The following CD58 variants were observed in gnomAD, a reference collection of about 807,000 sequenced individuals.
The protein encoded by CD58 is lymphocyte function-associated antigen 3.
A neutral mutation model predicts 27.6 loss-of-function variants in CD58; 14 were observed. That is an observed-to-expected ratio of 0.51 (90% CI 0.34 to 0.79). The LOEUF (loss-of-function observed/expected upper bound fraction) is 0.79, where lower values mean the gene tolerates loss of function less well. CD58 is among the 30% of genes least tolerant of loss of function. CD58 has a pLI of 0.02. For missense variants in CD58, 268 were observed against 301.7 expected (o/e 0.89, Z 0.83); for synonymous variants, 117 against 103.8 (o/e 1.13, Z -0.77).
chr1:116,534,182 G>A lies in CD58; in HGVS notation c.628+1783C>T, dbSNP rs866756482. On this transcript the variant is annotated intron_variant, in intron 3 of 5. Coordinates refer to ENST00000369489, the MANE Select transcript of CD58 (RefSeq NM_001779.3). The surrounding 1 kb of genome is among the most constrained non-coding windows in gnomAD (Gnocchi z 5.3). The stretch of plus-strand genomic sequence containing the variant: ...GGCCAGTCCTCGGGGAGCACACGCC[G>A]CCCATCTGGCTCGCACCGCACAGCT... 6.6e-5 allele frequency: 40 copies of A among 608,452 alleles called. No homozygotes were observed. Among genetic ancestry groups the A allele is most frequent in the African/African-American group, 6.0e-4 (33 of 54,736 alleles). The allele number at this position is 608,452 out of a possible 1,614,324, so 37.7% of individuals were successfully genotyped here. A position where few individuals can be genotyped will look rare whatever the true frequency, so the allele number is the denominator to read the frequency against.
chr1:116,550,040 C>A lies in CD58; in HGVS notation c.71-5436G>T, dbSNP rs77537964. Among the ~76,000 whole-genome samples the A allele has an allele frequency of 4.0e-5, 6 of 151,492 alleles. No individual in the cohort carries two copies. The highest frequency in any genetic ancestry group is 3.9e-4 in the Admixed American group (6 of 15,222). ...AATACTTTATTGCTGAAAAAAAAAACATGCTAACAATCATTTGAGCCTTCA... is the reference window on the plus strand; with the variant it reads ...AATACTTTATTGCTGAAAAAAAAAAAATGCTAACAATCATTTGAGCCTTCA... On this transcript the variant is annotated intron_variant, in intron 1 of 5. Transcript: ENST00000369489. This position sits in a 1 kb window ranked among gnomAD's most constrained non-coding sequence, Gnocchi z 4.2.
At chr1:116,558,887 A>T (rs752237709) in intron 1 of CD58, among the ~76,000 whole-genome samples, 1 of 152,206 alleles carries the variant, frequency 6.6e-6, no homozygotes, top group Non-Finnish European at 1.5e-5. Context: ...AGTTCTTATT[A>T]TTCATTTATT....
In CD58 at chr1:116,532,197, A is replaced by T. The variant is rs1657635783; in HGVS notation, c.628+3768T>A. ...CTTCCGCACAGCCCTTGCTCCTGCT[A>T]GGAAGTGGCACATCTTCCTGCTCAG... is the stretch of plus-strand genomic sequence containing the variant. On this transcript the variant is annotated intron_variant, in intron 3 of 5. Coordinates refer to ENST00000369489, the MANE Select transcript of CD58 (RefSeq NM_001779.3). The surrounding 1 kb of genome is among the most constrained non-coding windows in gnomAD (Gnocchi z 5.1). 6.6e-6 allele frequency among the ~76,000 whole-genome samples: 1 copy of T among 152,188 alleles called. No homozygotes were observed. The highest frequency in any genetic ancestry group is 2.4e-5 in the African/African-American group (1 of 41,456).
intron 1 of CD58, among the ~76,000 whole-genome samples, chr1:116,549,996 T>A (rs529141193): frequency 6.6e-6 from 1 of 152,188 alleles, no homozygotes; most frequent in East Asian, 1.9e-4. Flanking sequence ...AAAAACACAA[T>A]GTACATATTT....
At position 116,552,707 on chromosome 1, in the gene CD58, A is replaced by G. The variant is rs7546463; in HGVS notation, c.71-8103T>C. Among the ~76,000 whole-genome samples the G allele has an allele frequency of 3.3e-5, 5 of 152,140 alleles. No individual in the cohort carries two copies. Among genetic ancestry groups the G allele is most frequent in the African/African-American group, 9.7e-5 (4 of 41,422 alleles). ...TACATAATATTCCAGAGCATGAGGG[A>G]ACCATAATTAATCTGCCATCCACCA... On this transcript the variant is annotated intron_variant, in intron 1 of 5. Transcript: ENST00000369489. The surrounding 1 kb of genome is among the most constrained non-coding windows in gnomAD (Gnocchi z 4.5).
rs553733944 is a variant in CD58, at chr1:116,558,623, T to G, written c.70+12280A>C. On this transcript the variant is annotated intron_variant, in intron 1 of 5. Coordinates refer to ENST00000369489, the MANE Select transcript of CD58 (RefSeq NM_001779.3). ...GTCCCAATTTTGGGGGTAGAAAATG[T>G]GCTTACCAGGCATGGAGATAATAAA... Among the ~76,000 whole-genome samples the G allele has an allele frequency of 2.1e-3, 313 of 152,378 alleles. 1 individual carries two copies. The highest frequency in any genetic ancestry group is 3.6e-3 in the Non-Finnish European group (246 of 68,032).
intron 2 of CD58, among the ~76,000 whole-genome samples, chr1:116,543,640 G>A (rs1018698835): frequency 6.6e-6 from 1 of 152,048 alleles, no homozygotes; most frequent in Non-Finnish European, 1.5e-5. Context: ...AATGGTGCAG[G>A]AGCTGGGTGT....
rs978003642 is a variant in CD58 at position 116,552,542 on chromosome 1, G to A, written c.71-7938C>T. Among the ~76,000 whole-genome samples, 3 of 152,158 alleles carry A rather than the reference G, an allele frequency of 2.0e-5. No individual in the cohort carries two copies. The highest frequency in any genetic ancestry group is 7.2e-5 in the African/African-American group (3 of 41,446). ...TGCAATAAAGTGAAATGCAATAAAA[G>A]GAGGTGTGCCTGAGGGATTTACCAT... is the stretch of plus-strand genomic sequence containing the variant. On this transcript the variant is annotated intron_variant, in intron 1 of 5. Coordinates refer to ENST00000369489, the MANE Select transcript of CD58 (RefSeq NM_001779.3). This position sits in a 1 kb window ranked among gnomAD's most constrained non-coding sequence, Gnocchi z 4.5.
intron 2 of CD58, among the ~76,000 whole-genome samples, chr1:116,539,927 C>G (rs1657941850): frequency 6.6e-6 from 1 of 152,138 alleles, no homozygotes; most frequent in Admixed American, 6.5e-5. Context: ...GAGTTCACTG[C>G]TGTGTAAAAA....
At chr1:116,548,654 G>A (rs1284155433) in intron 1 of CD58, among the ~76,000 whole-genome samples, 3 of 148,774 alleles carry the variant, frequency 2.0e-5, no homozygotes, top group Non-Finnish European at 3.0e-5. Context: ...TAAGTTTTTG[G>A]GAGTCAAGAG....
chr1:116,561,808 A>T (rs1027054270), intron 1 of CD58, among the ~76,000 whole-genome samples: 5 of 152,232 alleles, frequency 3.3e-5, no homozygotes, highest in African/African-American at 1.2e-4. Context: ...TACTGAACCT[A>T]CCTAAGCTTT....
intron 3 of CD58, among the ~76,000 whole-genome samples, chr1:116,535,058 G>A (rs578105685): frequency 1.3e-5 from 2 of 151,990 alleles, no homozygotes; most frequent in East Asian, 3.9e-4. Context: ...TGACCTTTTT[G>A]TTTGTTAAAC....
At position 116,552,162 on chromosome 1, in the gene CD58, T is replaced by A. The variant is rs1373844394; in HGVS notation, c.71-7558A>T. Reference sequence around the variant, plus strand: ...GCACTTAGAAGCCATTGCAGGGTTATTAAATTGGCCTAATTTCAGTATCAT... The same window carrying A: ...GCACTTAGAAGCCATTGCAGGGTTAATAAATTGGCCTAATTTCAGTATCAT... On this transcript the variant is annotated intron_variant, in intron 1 of 5. Transcript: ENST00000369489. The surrounding 1 kb of genome is among the most constrained non-coding windows in gnomAD (Gnocchi z 4.5). Among the ~76,000 whole-genome samples, 1 of 152,222 alleles carries A rather than the reference T, an allele frequency of 6.6e-6. No individual in the cohort carries two copies. Among genetic ancestry groups the A allele is most frequent in the Non-Finnish European group, 1.5e-5 (1 of 68,028 alleles).
intron 3 of CD58, among the ~76,000 whole-genome samples, chr1:116,529,520 G>T (rs919606205): frequency 2.2e-4 from 34 of 152,252 alleles, no homozygotes; most frequent in African/African-American, 7.9e-4. Context: ...CAGTACAGTG[G>T]GGAAGACACA....
chr1:116,520,703 G>A (rs372113433), intron 4 of CD58, among the ~76,000 whole-genome samples: 1 of 152,146 alleles, frequency 6.6e-6, no homozygotes, highest in East Asian at 1.9e-4. Flanking sequence ...GCTATTTGGG[G>A]ATTAAAATAG....
chr1:116,569,521 G>A (rs1389801918), intron 1 of CD58, among the ~76,000 whole-genome samples: 2 of 151,328 alleles, frequency 1.3e-5, no homozygotes, highest in South Asian at 4.2e-4. Context: ...TCCCTCCCAT[G>A]AAGACTGCTT....
rs1657499907 is a variant in CD58 at position 116,528,667 on chromosome 1, ACTT to A, written c.629-6687_629-6685del. Reference sequence around the variant, plus strand: ...ATGTGGAGGGTGTTACAATCATCCTACTTCTTCCCAGCAGTTATCTAAAAGAGA... The same window carrying A: ...ATGTGGAGGGTGTTACAATCATCCTACTTCCCAGCAGTTATCTAAAAGAGA... On this transcript the variant is annotated intron_variant, in intron 3 of 5. Coordinates refer to ENST00000369489, the MANE Select transcript of CD58 (RefSeq NM_001779.3). The surrounding 1 kb of genome is among the most constrained non-coding windows in gnomAD (Gnocchi z 4.4). Among the ~76,000 whole-genome samples, 1 of 152,124 alleles carries A rather than the reference ACTT, an allele frequency of 6.6e-6. No homozygotes were observed. Among genetic ancestry groups the A allele is most frequent in the African/African-American group, 2.4e-5 (1 of 41,416 alleles).
At chr1:116,533,237 T>C (rs1657676040) in intron 3 of CD58, 7 of 843,308 alleles carry the variant, frequency 8.3e-6, no homozygotes, top group African/African-American at 1.7e-5. Flanking sequence ...ACTCATTGGA[T>C]ACTTGTTTGG....
chr1:116,540,183 C>T (rs1428386301), intron 2 of CD58, among the ~76,000 whole-genome samples: 1 of 152,088 alleles, frequency 6.6e-6, no homozygotes, highest in African/African-American at 2.4e-5. Context: ...TCTCAATGTA[C>T]ACACAGAAGG....
Sources: gnomAD v4.1 joint callset for allele counts (sites outside exome capture counted in the v4.1 genomes callset) on GRCh38, gnomAD v4.1.1 for gene constraint, Gnocchi (gnomAD v3.1) non-coding constraint, MANE v1.5 for transcripts, NCBI Gene and HGNC (gene_info 2026-07-23, HGNC 2026-07-21) for gene names.